AZIN2: variants seen among roughly 807,000 people sequenced by gnomAD.
AZIN2 encodes ODC antizyme inhibitor-2.
A neutral mutation model predicts 47.8 loss-of-function variants in AZIN2; 28 were observed. The observed-to-expected ratio is 0.59, with a 90% CI of 0.43 to 0.80. The LOEUF (loss-of-function observed/expected upper bound fraction) is 0.80. Ranked by LOEUF, AZIN2 falls within the 30% of genes least tolerant of loss-of-function variation. AZIN2 has a pLI of 0.00. For missense variants in AZIN2, 535 were observed against 582.5 expected (o/e 0.92, Z 0.84); for synonymous variants, 221 against 239.4 (o/e 0.92, Z 0.71).
chr1:33,123,116 G>A lies in AZIN2; in HGVS notation c.*2934G>A, dbSNP rs546277002. ...CCCCTCTCTAGAATGATCTTCCTGG[G>A]TTATCTGTGGGCCTCACTCACTTCA... On this transcript the variant is annotated 3_prime_UTR_variant, in exon 12 of 12. Transcript: ENST00000294517. Among the ~76,000 whole-genome samples the A allele has an allele frequency of 6.6e-6, 1 of 152,294 alleles. No individual in the cohort carries two copies. Among genetic ancestry groups the A allele is most frequent in the East Asian group, 1.9e-4 (1 of 5,192 alleles).
At chr1:33,095,495 G>A (rs1643055630) in intron 8 of AZIN2, among the ~76,000 whole-genome samples, 1 of 152,098 alleles carries the variant, frequency 6.6e-6, no homozygotes, top group Non-Finnish European at 1.5e-5. Context: ...AATAGCGTTT[G>A]TATAAAAAAT....
rs1219390759 is a variant in AZIN2, at chr1:33,119,787, GATAAT to G, written c.1245-252_1245-248del. On this transcript the variant is annotated intron_variant, in intron 11 of 11. Coordinates refer to ENST00000294517, the MANE Select transcript of AZIN2 (RefSeq NM_052998.4). Reference sequence around the variant, plus strand: ...TGGGGTTTTTGGGAAGATACAAATAGATAATATAAGTGCCTGGCATGATGTCTGGC... The same window carrying G: ...TGGGGTTTTTGGGAAGATACAAATAGATAAGTGCCTGGCATGATGTCTGGC... 4 of 558,546 alleles carry G rather than the reference GATAAT, an allele frequency of 7.2e-6. No individual in the cohort carries two copies. The African/African-American group carries it at 7.6e-5, about 11-fold the overall frequency. The allele number at this position is 558,546 out of a possible 1,614,324, so 34.6% of individuals were successfully genotyped here.
the AZIN2 span, chr1:33,165,535 T>C: frequency 2.5e-6 from 4 of 1,610,910 alleles, no homozygotes; most frequent in East Asian, 2.2e-5. The surrounding 1 kb of genome is among the most constrained non-coding windows in gnomAD (Gnocchi z 4.0). Context: ...CTCGCTGTCT[T>C]GAAGGGCCTG....
the AZIN2 span, among the ~76,000 whole-genome samples, chr1:33,153,428 C>T: frequency 1.3e-5 from 2 of 152,232 alleles, no homozygotes; most frequent in Non-Finnish European, 2.9e-5. Context: ...TTCCCAGGGA[C>T]ATCTGGCAAA....
the AZIN2 span, chr1:33,158,459 A>C: frequency 1.0e-6 from 1 of 989,432 alleles, no homozygotes; most frequent in Non-Finnish European, 1.6e-6. Context: ...GGCAGCTGGC[A>C]TAGGATGTGG....
At chr1:33,164,589 T>C in the AZIN2 span, 1 of 152,378 alleles carries the variant, frequency 6.6e-6, no homozygotes, top group Non-Finnish European at 1.5e-5. Flanking sequence ...AAAAGTCTGT[T>C]TGTTTGTTTG....
At chr1:33,115,528 A>G (rs373906470) in intron 10 of AZIN2, among the ~76,000 whole-genome samples, 46 of 152,162 alleles carry the variant, frequency 3.0e-4, no homozygotes, top group Admixed American at 1.4e-3. Flanking sequence ...ACATGGCAAA[A>G]TCCTGTATCT....
At chr1:33,153,182 T>A in the AZIN2 span, among the ~76,000 whole-genome samples, 1 of 152,114 alleles carries the variant, frequency 6.6e-6, no homozygotes, top group East Asian at 1.9e-4. Flanking sequence ...GCTAGGTCCC[T>A]GGGGGCACCC....
chr1:33,159,711 A>G, the AZIN2 span: 1 of 1,610,282 alleles, frequency 6.2e-7, no homozygotes, highest in East Asian at 2.2e-5. This position sits in a 1 kb window ranked among gnomAD's most constrained non-coding sequence, Gnocchi z 4.2. Context: ...AGGCCACCCC[A>G]GCCAGGAAGG....
At chr1:33,092,310 GAGGCTGGGCTGAGGGA>G (rs1281633528) in intron 6 of AZIN2, 88 bp downstream of exon 6, 4 of 1,318,908 alleles carry the variant, frequency 3.0e-6, no homozygotes, top group African/African-American at 3.1e-5. Context: ...GGGCTGTGGG[GAGGCTGGGCTGAGGGA>G]AGGCTGGGCT....
intron 8 of AZIN2, 82 bp downstream of exon 8, chr1:33,094,795 C>A: frequency 6.8e-7 from 1 of 1,478,330 alleles, no homozygotes; most frequent in Non-Finnish European, 9.3e-7. Context: ...GGGAGACCAC[C>A]GTGCGTGGGT....
the AZIN2 span, among the ~76,000 whole-genome samples, chr1:33,160,390 A>AT: frequency 2.0e-5 from 3 of 151,330 alleles, no homozygotes; most frequent in South Asian, 2.1e-4. Flanking sequence ...TGAAGTCTTT[A>AT]TTTTTTTTGC....
the AZIN2 span, among the ~76,000 whole-genome samples, chr1:33,130,338 G>A: frequency 6.6e-6 from 1 of 152,142 alleles, no homozygotes; most frequent in Non-Finnish European, 1.5e-5. Context: ...TAGAAGTGAC[G>A]GGTTGTCATT....
At chr1:33,131,991 G>A in the AZIN2 span, among the ~76,000 whole-genome samples, 3 of 152,190 alleles carry the variant, frequency 2.0e-5, no homozygotes, top group South Asian at 6.2e-4. Flanking sequence ...TGAGCAGTCT[G>A]GGCAAGGAGC....
At chr1:33,094,904 A>G (rs60608762) in intron 8 of AZIN2, among the ~76,000 whole-genome samples, 191 bp downstream of exon 8, 4,033 of 152,244 alleles carry the variant, frequency 0.026, 188 homozygotes, top group African/African-American at 0.091. Flanking sequence ...CAGAGGTTAC[A>G]TTGCTTCCTG....
chr1:33,115,506 C>A (rs370462837), intron 10 of AZIN2, among the ~76,000 whole-genome samples: 4 of 151,724 alleles, frequency 2.6e-5, no homozygotes, highest in African/African-American at 9.7e-5. Flanking sequence ...GAGTTTGAGA[C>A]CAGCCTGGCC....
chr1:33,138,269 G>A, the AZIN2 span, among the ~76,000 whole-genome samples: 36 of 152,304 alleles, frequency 2.4e-4, no homozygotes, highest in East Asian at 6.9e-3. Context: ...AACTGATGCT[G>A]TAGACTAACA....
chr1:33,094,383 C>T lies in AZIN2; in HGVS notation c.588-165C>T, dbSNP rs1642913552. Among the ~76,000 whole-genome samples, 6 of 152,206 alleles carry T rather than the reference C, an allele frequency of 3.9e-5. No individual in the cohort carries two copies. The South Asian group carries it at 1.2e-3, about 31-fold the overall frequency. ...AAGCCTCCTGTCCACTTCTCCCTTG[C>T]CATATGGCCCTTGGCAACCCATTGA... On this transcript the variant is annotated intron_variant, in intron 7 of 11. Transcript: ENST00000294517.
the AZIN2 span, among the ~76,000 whole-genome samples, chr1:33,157,345 C>T: frequency 6.6e-6 from 1 of 152,172 alleles, no homozygotes; most frequent in Non-Finnish European, 1.5e-5. Flanking sequence ...ACTTGCTGTC[C>T]CCATGCCAGG....
Sources: allele counts gnomAD v4.1 joint callset (sites outside exome capture counted in the v4.1 genomes callset), GRCh38; gene constraint gnomAD v4.1.1; non-coding constraint Gnocchi (gnomAD v3.1); transcripts MANE v1.5; gene names NCBI Gene and HGNC (gene_info 2026-07-23, HGNC 2026-07-21).